The following CLASP2 variants were observed in gnomAD, a reference collection of about 807,000 sequenced individuals.
The protein encoded by CLASP2 is CLIP-associating protein 2.
CLASP2 carries 47 observed loss-of-function variants against 194.4 expected under a neutral mutation model. That is an observed-to-expected ratio of 0.24 (90% CI 0.19 to 0.31). CLASP2 has a LOEUF of 0.31. Ranked by LOEUF, CLASP2 falls within the 10% of genes least tolerant of loss-of-function variation. The pLI, the probability that CLASP2 is intolerant of heterozygous loss-of-function variation, is 1.00. For missense variants in CLASP2, 1,445 were observed against 1,823.6 expected (o/e 0.79, Z 3.78); for synonymous variants, 619 against 633.5 (o/e 0.98, Z 0.34).
At chr3:33,691,715 C>A (rs1429827144) in intron 2 of CLASP2, among the ~76,000 whole-genome samples, 1 of 152,128 alleles carries the variant, frequency 6.6e-6, no homozygotes, top group Non-Finnish European at 1.5e-5. Flanking sequence ...AAACACTTAA[C>A]AAATGTTAGA....
intron 22 of CLASP2, among the ~76,000 whole-genome samples, chr3:33,584,429 T>C (rs2066889710): frequency 6.6e-6 from 1 of 151,436 alleles, no homozygotes; most frequent in Admixed American, 6.6e-5. Flanking sequence ...TGCACCACCA[T>C]GCCTGGCTAA....
chr3:33,499,905 T>C (rs1194724535), intron 38 of CLASP2, among the ~76,000 whole-genome samples: 1 of 152,188 alleles, frequency 6.6e-6, no homozygotes, highest in African/African-American at 2.4e-5. Context: ...TTACAGGACC[T>C]AAGATCTTAG....
chr3:33,587,173 T>C (rs1218299785), intron 21 of CLASP2, among the ~76,000 whole-genome samples: 1 of 152,026 alleles, frequency 6.6e-6, no homozygotes, highest in African/African-American at 2.4e-5. Context: ...TCGCCCAGGC[T>C]GGAGTGCAGT....
chr3:33,597,853 A>G (rs890434313), intron 18 of CLASP2, among the ~76,000 whole-genome samples: 1 of 151,508 alleles, frequency 6.6e-6, no homozygotes, highest in African/African-American at 2.4e-5. Flanking sequence ...CCCAGGTTCA[A>G]GTGATTCTTG....
chr3:33,609,022 G>A (rs1282136474), intron 13 of CLASP2, among the ~76,000 whole-genome samples: 1 of 152,094 alleles, frequency 6.6e-6, no homozygotes, highest in Admixed American at 6.6e-5. Flanking sequence ...GTTCATGCCT[G>A]TAATCTCAGC....
intron 21 of CLASP2, among the ~76,000 whole-genome samples, chr3:33,586,632 T>A (rs142192286): frequency 2.0e-5 from 3 of 152,118 alleles, no homozygotes; most frequent in African/African-American, 7.2e-5. Flanking sequence ...CTACGTTGAA[T>A]AGAAAAAGTA....
rs2093380100 is a variant in CLASP2, at chr3:33,718,157, C to T, written c.-155G>A. On this transcript the variant is annotated 5_prime_UTR_variant, in exon 1 of 39. Coordinates refer to ENST00000682230, the MANE Select transcript of CLASP2 (RefSeq NM_001365631.1). ...GGCGCAGCGGGCGGCGGGAGGAACG[C>T]CAAGCGCCCAGCCGCCCCCAAACTA... is the stretch of plus-strand genomic sequence containing the variant. 2 of 655,716 alleles carry T rather than the reference C, an allele frequency of 3.1e-6. No individual in the cohort carries two copies. Among genetic ancestry groups the T allele is most frequent in the Non-Finnish European group, 4.6e-6 (2 of 435,748 alleles). The allele number at this position is 655,716 out of a possible 1,614,324, so 40.6% of individuals were successfully genotyped here. A position where few individuals can be genotyped will look rare whatever the true frequency, so the allele number is the denominator to read the frequency against.
chr3:33,718,237 C>CGACGTCAGCACGCGCGT lies in CLASP2; in HGVS notation c.-252_-236dup, dbSNP rs1005462515. The CGACGTCAGCACGCGCGT allele has an allele frequency of 4.8e-6, 1 of 209,046 alleles. No individual in the cohort carries two copies. The highest frequency in any genetic ancestry group is 9.5e-6 in the Non-Finnish European group (1 of 104,786). The allele number at this position is 209,046 out of a possible 1,614,324, so 12.9% of individuals were successfully genotyped here. ...CCGCTTCAGAGGCCGCGGCCGCGGG[C>CGACGTCAGCACGCGCGT]GACGTCAGCACGCGCGTGACGTCAG... On this transcript the variant is annotated 5_prime_UTR_variant, in exon 1 of 39. Transcript: ENST00000682230.
At chr3:33,623,780 G>C (rs990591795) in intron 10 of CLASP2, among the ~76,000 whole-genome samples, 5 of 152,008 alleles carry the variant, frequency 3.3e-5, no homozygotes, top group African/African-American at 1.2e-4. Flanking sequence ...CTTTTCTTTT[G>C]GATATATACC....
intron 37 of CLASP2, 77 bp downstream of exon 37, chr3:33,510,481 T>G: frequency 7.5e-7 from 1 of 1,339,642 alleles, no homozygotes; most frequent in Non-Finnish European, 1.1e-6. Flanking sequence ...ATGCCAGTAA[T>G]GATGCCTGGA....
intron 38 of CLASP2, among the ~76,000 whole-genome samples, chr3:33,500,451 C>T (rs1171849410): frequency 6.6e-6 from 1 of 152,156 alleles, no homozygotes; most frequent in East Asian, 1.9e-4. Context: ...GGAAGGTTTG[C>T]TTTTTAAACA....
At position 33,594,946 on chromosome 3, in the gene CLASP2, C is replaced by T. The variant is rs1245541326; in HGVS notation, c.1966+5G>A. 7.1e-7 allele frequency: 1 copy of T among 1,403,160 alleles called. No homozygotes were observed. The highest frequency in any genetic ancestry group is 2.6e-5 in the East Asian group (1 of 38,558). The allele number at this position is 1,403,160 out of a possible 1,614,324, so 86.9% of individuals were successfully genotyped here. A position where few individuals can be genotyped will look rare whatever the true frequency, so the allele number is the denominator to read the frequency against. ...TGTGTTACTAACAAAATGTATAGTT[C>T]TTACCATCTTCAGATGCTGTTCCTA... On this transcript the variant is annotated splice_donor_5th_base_variant and intron_variant, in intron 20 of 38. Transcript: ENST00000682230.
intron 7 of CLASP2, among the ~76,000 whole-genome samples, chr3:33,660,483 ACCTTTACAACAAAT>A: frequency 6.6e-6 from 1 of 152,234 alleles, no homozygotes; most frequent in East Asian, 1.9e-4. Context: ...AAGTTATATC[ACCTTTACAACAAAT>A]CCTTTGGTTT....
intron 26 of CLASP2, among the ~76,000 whole-genome samples, chr3:33,567,536 T>C (rs1470650240): frequency 6.6e-6 from 1 of 152,196 alleles, no homozygotes; most frequent in East Asian, 1.9e-4. Context: ...CAACTGATAC[T>C]GCTTGCATTT....
At position 33,538,808 on chromosome 3, in the gene CLASP2, T is replaced by A. The variant is rs766946802; in HGVS notation, c.3539A>T (p.Lys1180Ile). Residue 1180 changes from lysine (K) to isoleucine (I), a missense_variant, in exon 33 of 39, where the codon AAA becomes ATA. Coordinates refer to ENST00000682230, the MANE Select transcript of CLASP2 (RefSeq NM_001365631.1). ...DMNEPLKRDSKKDDGDSMCGG... is the reference protein window; with the variant it reads ...DMNEPLKRDSIKDDGDSMCGG... The stretch of plus-strand genomic sequence containing the variant: ...ACTTACTGAATCGCCATCATCTTTT[T>A]TAGAATCCCTTTTCAATGGCTCATT... 1.3e-6 allele frequency: 2 copies of A among 1,587,186 alleles called. No individual in the cohort carries two copies. The highest frequency in any genetic ancestry group is 2.7e-5 in the African/African-American group (2 of 73,846).
intron 1 of CLASP2, among the ~76,000 whole-genome samples, chr3:33,700,183 A>G (rs1354807491): frequency 2.0e-5 from 3 of 152,252 alleles, no homozygotes; most frequent in Admixed American, 6.5e-5. Context: ...CTGTAACCCC[A>G]GCACTTTGGA....
At chr3:33,662,020 G>A (rs1262544243) in intron 7 of CLASP2, among the ~76,000 whole-genome samples, 1 of 152,044 alleles carries the variant, frequency 6.6e-6, no homozygotes, top group Non-Finnish European at 1.5e-5. Context: ...TATTCAGACT[G>A]TAATCATCAA....
In CLASP2 at chr3:33,535,316, T is replaced by C; in HGVS notation, c.3704A>G (p.Asn1235Ser). The C allele has an allele frequency of 1.2e-6, 2 of 1,613,912 alleles. No homozygotes were observed. Among genetic ancestry groups the C allele is most frequent in the South Asian group, 2.2e-5 (2 of 91,076 alleles). ...SPRSRDYNPY[N>S]YSDSISPFNK... ...GAAGGGACTGATGCTATCTGAATAG[T>C]TATATGGATTATAGTCTCGAGAGCG... The change falls in exon 34 of 39, where the codon AAC (asparagine) becomes AGC (serine). Residue 1235 changes from asparagine (N) to serine (S), a missense_variant. Asn to Ser is a conservative substitution (Grantham distance 46). Around this residue, in one of 4 missense-constraint regions of CLASP2, gnomAD observed 732 missense variants for 987.9 expected, o/e 0.74. Transcript: ENST00000682230.
intron 1 of CLASP2, among the ~76,000 whole-genome samples, chr3:33,713,437 G>C (rs1016722422): frequency 1.3e-5 from 2 of 152,062 alleles, no homozygotes; most frequent in African/African-American, 4.8e-5. Flanking sequence ...CTATATGGCA[G>C]GTAAATGGAA....
Sources: allele counts gnomAD v4.1 joint callset (sites outside exome capture counted in the v4.1 genomes callset), GRCh38; gene constraint gnomAD v4.1.1; regional missense constraint gnomAD v4.1.1; transcripts MANE v1.5; gene names NCBI Gene and HGNC (gene_info 2026-07-23, HGNC 2026-07-21).